DENND5B: variants seen among roughly 807,000 people sequenced by gnomAD.
DENND5B encodes DENN domain containing 5B.
DENND5B carries 34 observed loss-of-function variants against 140.6 expected under a neutral mutation model. The ratio of observed to expected loss-of-function variants is 0.24; its 90% confidence interval spans 0.18 to 0.32. The LOEUF (loss-of-function observed/expected upper bound fraction) is 0.32, where lower values mean the gene tolerates loss of function less well. DENND5B is among the 10% of genes least tolerant of loss of function. The probability of loss-of-function intolerance (pLI) is 1.00; values close to 1 mark genes in which losing one functional copy is unlikely to be tolerated. For synonymous variants in DENND5B, 551 were observed against 562.1 expected, an observed-to-expected ratio of 0.98 and a Z score of 0.28; for missense variants, 1,142 against 1,560.2, an observed-to-expected ratio of 0.73 and a Z score of 4.52.
intron 1 of DENND5B, among the ~76,000 whole-genome samples, chr12:31,525,343 T>A (rs890434361): frequency 4.6e-5 from 7 of 152,222 alleles, no homozygotes; most frequent in African/African-American, 1.7e-4. Context: ...TAAAATAGAA[T>A]ATCTGGCCAT....
chr12:31,537,016 CCAGACAAA>C (rs1224158395), intron 1 of DENND5B, among the ~76,000 whole-genome samples: 1 of 152,084 alleles, frequency 6.6e-6, no homozygotes, highest in East Asian at 1.9e-4. Flanking sequence ...AAAGACTTTC[CCAGACAAA>C]CAAACACTGA....
chr12:31,423,924 G>T (rs962039860), intron 10 of DENND5B, among the ~76,000 whole-genome samples: 7 of 152,166 alleles, frequency 4.6e-5, no homozygotes, highest in Admixed American at 2.0e-4. Context: ...GCAGGCAGAA[G>T]ATTTCTGATG....
intron 1 of DENND5B, among the ~76,000 whole-genome samples, chr12:31,512,235 A>G (rs570692407): frequency 2.2e-4 from 33 of 151,640 alleles, no homozygotes; most frequent in African/African-American, 7.3e-4. Context: ...TTTCTTTGAC[A>G]TAGAGTCTTG....
chr12:31,589,624 A>T (rs868441066), intron 1 of DENND5B, among the ~76,000 whole-genome samples: 21 of 151,974 alleles, frequency 1.4e-4, no homozygotes, highest in Non-Finnish European at 2.2e-4. Context: ...AAAGCGAAAA[A>T]TTTACGTTAG....
chr12:31,580,575 A>T (rs1431352181), intron 1 of DENND5B, among the ~76,000 whole-genome samples: 2 of 152,004 alleles, frequency 1.3e-5, no homozygotes, highest in South Asian at 4.2e-4. Context: ...GCTCACTGCA[A>T]CCTTGACATC....
rs1320048491 is a variant in DENND5B at position 31,392,301 on chromosome 12, G to A, written c.3432C>T (p.Ile1144=). 1 of 1,613,732 alleles carries A rather than the reference G, an allele frequency of 6.2e-7. No homozygotes were observed. Among genetic ancestry groups the A allele is most frequent in the African/African-American group, 1.3e-5 (1 of 74,880 alleles). The change falls in exon 19 of 21, where the codon ATC becomes ATT. Residue 1144 remains isoleucine, a synonymous_variant. Transcript: ENST00000389082. Reference sequence around the variant, plus strand: ...CCCAGATGAAGACATTCTTGTGAAAGATGCGGGCAGATTTGAACCCATGGT... The same window carrying A: ...CCCAGATGAAGACATTCTTGTGAAAAATGCGGGCAGATTTGAACCCATGGT... ...VFHHGFKSAR[I]FHKNVFIWDF...
At chr12:31,497,908 G>GGGGCAGGGGCAGGGGCAA (rs1289903122) in intron 1 of DENND5B, among the ~76,000 whole-genome samples, 4 of 73,324 alleles carry the variant, frequency 5.5e-5, no homozygotes, top group Non-Finnish European at 1.1e-4. Context: ...GGGAGGGGTA[G>GGGGCAGGGGCAGGGGCAA]GGGCAGGGGC....
chr12:31,473,746 T>C (rs1005155265), intron 3 of DENND5B, among the ~76,000 whole-genome samples: 5 of 152,166 alleles, frequency 3.3e-5, no homozygotes, highest in Admixed American at 2.6e-4. Context: ...CCACGGTATC[T>C]AAGGCGATTT....
chr12:31,461,067 C>T (rs1944997103), intron 3 of DENND5B, among the ~76,000 whole-genome samples: 1 of 151,930 alleles, frequency 6.6e-6, no homozygotes, highest in Non-Finnish European at 1.5e-5. Context: ...TGAATGCTTA[C>T]ACAATTCCCA....
chr12:31,582,651 A>G (rs1168778619), intron 1 of DENND5B, among the ~76,000 whole-genome samples: 1 of 152,230 alleles, frequency 6.6e-6, no homozygotes, highest in Non-Finnish European at 1.5e-5. Flanking sequence ...GAATGAGGAA[A>G]TGCATGCAAG....
chr12:31,452,276 G>A lies in DENND5B; in HGVS notation c.1293C>T (p.Asp431=), dbSNP rs1287999413. The A allele has an allele frequency of 3.7e-6, 6 of 1,613,714 alleles. No individual in the cohort carries two copies. Among genetic ancestry groups the A allele is most frequent in the South Asian group, 1.1e-5 (1 of 91,074 alleles). The change falls in exon 5 of 21, where the codon GAC becomes GAT. Residue 431 remains aspartate, a synonymous_variant. Coordinates refer to ENST00000389082, the MANE Select transcript of DENND5B (RefSeq NM_144973.4). ...TAGTACAGACATTGCCGTTCTTTTT[G>A]TCATTGACCAAGTCTTTCAGAACCA... ...KNMVLKDLVN[D]KKNGNVCTNN... is the part of the protein sequence containing the mutation.
At chr12:31,566,096 G>C (rs1458598188) in intron 1 of DENND5B, among the ~76,000 whole-genome samples, 2 of 152,270 alleles carry the variant, frequency 1.3e-5, no homozygotes, top group Admixed American at 6.5e-5. Flanking sequence ...AGTGAGCTGA[G>C]ATCACACCAC....
chr12:31,548,471 G>T (rs530080599), intron 1 of DENND5B, among the ~76,000 whole-genome samples: 3 of 151,854 alleles, frequency 2.0e-5, no homozygotes, highest in South Asian at 4.2e-4. Context: ...CTAAGACCAG[G>T]TTCTTTTCCT....
chr12:31,419,266 G>T (rs1442909237), intron 11 of DENND5B, among the ~76,000 whole-genome samples: 1 of 152,118 alleles, frequency 6.6e-6, no homozygotes, highest in African/African-American at 2.4e-5. Context: ...TTGGCTACGA[G>T]AATTTGCTCA....
At chr12:31,590,307 T>TCGCGGC (rs1167062059) in intron 1 of DENND5B, 2 of 154,090 alleles carry the variant, frequency 1.3e-5, no homozygotes, top group African/African-American at 4.8e-5. Flanking sequence ...GGCCGAAACT[T>TCGCGGC]CGCGGCCGGG....
At position 31,389,458 on chromosome 12, in the gene DENND5B, T is replaced by C. The variant is rs1941014289; in HGVS notation, c.3507A>G (p.Leu1169=). 3 of 1,601,286 alleles carry C rather than the reference T, an allele frequency of 1.9e-6. No homozygotes were observed. In the East Asian group the frequency reaches 6.7e-5, roughly 36 times the overall value. ...GAATAAGGACATCATCTTCATTATCTAGAATCTGGTCAGTTGTTTCAAAAT... is the reference window on the plus strand; with the variant it reads ...GAATAAGGACATCATCTTCATTATCCAGAATCTGGTCAGTTGTTTCAAAAT... The part of the protein sequence containing the change: ...VAYFETTDQI[L]DNEDDVLIQK... Residue 1169 remains leucine, a synonymous_variant, in exon 20 of 21, where the codon CTA becomes CTG. Coordinates refer to ENST00000389082, the MANE Select transcript of DENND5B (RefSeq NM_144973.4).
chr12:31,531,820 C>T (rs546269367), intron 1 of DENND5B, among the ~76,000 whole-genome samples: 4 of 152,148 alleles, frequency 2.6e-5, no homozygotes, highest in Non-Finnish European at 5.9e-5. Context: ...CTACTCACTA[C>T]AACAGAAAAG....
intron 1 of DENND5B, chr12:31,541,026 G>A (rs917271865): frequency 2.9e-5 from 13 of 441,038 alleles, no homozygotes; most frequent in Non-Finnish European, 4.0e-5. Flanking sequence ...GGTTGACCCC[G>A]TATCTCTTAC....
chr12:31,463,526 T>C (rs1421469412), intron 3 of DENND5B, among the ~76,000 whole-genome samples: 1 of 152,218 alleles, frequency 6.6e-6, no homozygotes, highest in African/African-American at 2.4e-5. Context: ...TAAGAATATA[T>C]ATAATTTTGC....
Sources: allele counts gnomAD v4.1 joint callset (sites outside exome capture counted in the v4.1 genomes callset), GRCh38; gene constraint gnomAD v4.1.1; transcripts MANE v1.5; gene names NCBI Gene and HGNC (gene_info 2026-07-23, HGNC 2026-07-21).